The following EXT1 variants were observed in gnomAD, a reference collection of about 807,000 sequenced individuals.
EXT1 encodes the protein exostosin glycosyltransferase 1.
Under a neutral mutation model 82.5 loss-of-function variants are expected in EXT1, and 20 were observed. The ratio of observed to expected loss-of-function variants is 0.24; its 90% CI spans 0.17 to 0.35. EXT1 has a LOEUF of 0.35. Among genes scored for constraint, EXT1 ranks in the 10% least tolerant of loss-of-function variants. The pLI is 1.00. For synonymous variants in EXT1, 348 were observed against 350.8 expected, an observed-to-expected ratio of 0.99 and a Z score of 0.09; for missense variants, 757 against 936.5, an observed-to-expected ratio of 0.81 and a Z score of 2.50.
rs73323945 is a variant in EXT1, at chr8:117,952,783, T to C, written c.963-115582A>G. ...AAAAAAAAAGTGGATGAGAAGGCATTTCATAATAAAGCCTCAATATTCTTT... is the reference window on the plus strand; with the variant it reads ...AAAAAAAAAGTGGATGAGAAGGCATCTCATAATAAAGCCTCAATATTCTTT... On this transcript the variant is annotated intron_variant, in intron 1 of 10. Coordinates refer to ENST00000378204, the MANE Select transcript of EXT1 (RefSeq NM_000127.3). Among the ~76,000 whole-genome samples, 757 of 152,168 alleles carry C rather than the reference T, an allele frequency of 5.0e-3. 8 individuals carry two copies. Among genetic ancestry groups the C allele is most frequent in the African/African-American group, 0.018 (727 of 41,516 alleles).
At chr8:117,920,593 A>C (rs528935060) in intron 1 of EXT1, among the ~76,000 whole-genome samples, 1 of 152,216 alleles carries the variant, frequency 6.6e-6, no homozygotes, top group East Asian at 1.9e-4. Context: ...GGGAAGGAAG[A>C]GGGACTGCTG....
chr8:118,051,646 T>C (rs76455145), intron 1 of EXT1, among the ~76,000 whole-genome samples: 3 of 152,328 alleles, frequency 2.0e-5, no homozygotes, highest in African/African-American at 4.8e-5. Context: ...TTTTAGAGTA[T>C]GGAGGTACAG....
chr8:117,940,405 C>A (rs1358747182), intron 1 of EXT1, among the ~76,000 whole-genome samples: 2 of 152,080 alleles, frequency 1.3e-5, no homozygotes. Context: ...CCTGGAAGAG[C>A]CCCCCGTATC....
At chr8:118,073,281 G>C (rs866034502) in intron 1 of EXT1, among the ~76,000 whole-genome samples, 1 of 152,274 alleles carries the variant, frequency 6.6e-6, no homozygotes, top group South Asian at 2.1e-4. Flanking sequence ...GAAATGAAAT[G>C]ACACCTCCAT....
chr8:118,067,915 G>A (rs1412882582), intron 1 of EXT1, among the ~76,000 whole-genome samples: 1 of 152,184 alleles, frequency 6.6e-6, no homozygotes, highest in Non-Finnish European at 1.5e-5. Context: ...CACTGTGGAA[G>A]GTAAGCTTAA....
At chr8:118,006,901 A>T (rs17431291) in intron 1 of EXT1, among the ~76,000 whole-genome samples, 19,065 of 152,208 alleles carry the variant, frequency 0.13, 1,216 homozygotes, top group Middle Eastern at 0.24. Context: ...ATGCAAGCGT[A>T]GGGCTGCCAA....
chr8:117,884,598 C>T (rs1813115970), intron 1 of EXT1, among the ~76,000 whole-genome samples: 1 of 152,204 alleles, frequency 6.6e-6, no homozygotes. Flanking sequence ...TAGTGTGCAA[C>T]AGTCTCTATA....
chr8:118,046,036 TC>T (rs1402496681), intron 1 of EXT1, among the ~76,000 whole-genome samples: 54 of 152,106 alleles, frequency 3.6e-4, no homozygotes, highest in Admixed American at 3.0e-3. Context: ...CCTCAAGTGA[TC>T]CGCCAGCCTC....
chr8:117,810,986 G>A (rs930629523), intron 8 of EXT1, among the ~76,000 whole-genome samples: 7 of 152,140 alleles, frequency 4.6e-5, no homozygotes, highest in African/African-American at 1.7e-4. Context: ...CCATCTCTCA[G>A]GGCCTTTGAA....
intron 10 of EXT1, 43 bp from the exon 11 acceptor site, chr8:117,799,940 C>T: frequency 1.2e-6 from 2 of 1,600,114 alleles, no homozygotes; most frequent in South Asian, 1.1e-5. Flanking sequence ...GAGAGAAGTG[C>T]AAGGTGAGAT....
chr8:117,804,800 G>A lies in EXT1; in HGVS notation c.1977C>T (p.Phe659=), dbSNP rs762841739. The change falls in exon 10 of 11, where the codon TTC becomes TTT. Residue 659 remains phenylalanine (F), a synonymous_variant. Coordinates refer to ENST00000378204, the MANE Select transcript of EXT1 (RefSeq NM_000127.3). ...GCAATTTTGTCACAGCAGACACCAGGAAGTTCATGAGAATGTCCTCACAAT... is the reference window on the plus strand; with the variant it reads ...GCAATTTTGTCACAGCAGACACCAGAAAGTTCATGAGAATGTCCTCACAAT... ...LANCEDILMN[F]LVSAVTKLPP... 8.7e-6 allele frequency: 14 copies of A among 1,613,994 alleles called. No individual in the cohort carries two copies. The African/African-American group carries it at 1.7e-4, about 20-fold the overall frequency.
intron 1 of EXT1, among the ~76,000 whole-genome samples, chr8:118,019,952 C>T (rs1444555335): frequency 6.6e-6 from 1 of 152,176 alleles, no homozygotes; most frequent in African/African-American, 2.4e-5. Context: ...GAGCCCTGAG[C>T]AGTTCAATGT....
At chr8:117,803,561 C>T (rs978840684) in intron 10 of EXT1, among the ~76,000 whole-genome samples, 2 of 152,044 alleles carry the variant, frequency 1.3e-5, no homozygotes, top group Admixed American at 6.6e-5. Flanking sequence ...AGATGAAATT[C>T]GGCATATCCA....
At chr8:118,057,578 G>A (rs1475158034) in intron 1 of EXT1, among the ~76,000 whole-genome samples, 1 of 151,758 alleles carries the variant, frequency 6.6e-6, no homozygotes, top group Admixed American at 6.6e-5. Flanking sequence ...AAAGAAGAAA[G>A]AAAAGGCAGT....
At chr8:118,060,523 C>T (rs1180499764) in intron 1 of EXT1, among the ~76,000 whole-genome samples, 1 of 152,208 alleles carries the variant, frequency 6.6e-6, no homozygotes, top group African/African-American at 2.4e-5. Flanking sequence ...ATGGCAACCA[C>T]CAACTTGTAC....
chr8:117,853,484 T>C (rs1812489629), intron 1 of EXT1, among the ~76,000 whole-genome samples: 1 of 152,182 alleles, frequency 6.6e-6, no homozygotes, highest in African/African-American at 2.4e-5. Flanking sequence ...ATAAACACTT[T>C]CATTCAGTTA....
chr8:118,094,128 G>A (rs866171708), intron 1 of EXT1, among the ~76,000 whole-genome samples: 9 of 152,170 alleles, frequency 5.9e-5, no homozygotes, highest in African/African-American at 1.4e-4. Flanking sequence ...TTTGCTACCC[G>A]TTTTAATGTT....
At chr8:117,950,025 G>C (rs995718672) in intron 1 of EXT1, among the ~76,000 whole-genome samples, 30 of 152,158 alleles carry the variant, frequency 2.0e-4, no homozygotes, top group Non-Finnish European at 1.2e-4. Context: ...AGGAGTCTGA[G>C]ACCAGCCTGG....
chr8:117,927,036 G>A (rs1813965328), intron 1 of EXT1, among the ~76,000 whole-genome samples: 4 of 152,130 alleles, frequency 2.6e-5, no homozygotes. Flanking sequence ...CCTCTTTTGG[G>A]TTCTCTGCTG....
Sources: allele counts gnomAD v4.1 joint callset (sites outside exome capture counted in the v4.1 genomes callset), GRCh38; gene constraint gnomAD v4.1.1; transcripts MANE v1.5; gene names NCBI Gene and HGNC (gene_info 2026-07-23, HGNC 2026-07-21).